Variants in SEMA6D observed in about 807,000 individuals in gnomAD.
SEMA6D encodes semaphorin 6D, also known as semaphorin-6D.
A neutral mutation model predicts 106.6 loss-of-function variants in SEMA6D; 35 were observed. The ratio of observed to expected loss-of-function variants is 0.33; its 90% CI spans 0.25 to 0.44. The LOEUF is 0.44. Ranked by LOEUF, SEMA6D falls within the 20% of genes least tolerant of loss-of-function variation. The pLI is 1.00. For missense variants in SEMA6D, 1,185 were observed against 1,345.9 expected (o/e 0.88, Z 1.87); for synonymous variants, 499 against 487.7 (o/e 1.02, Z -0.31).
At chr15:47,377,750 G>A (rs974141492) in intron 1 of SEMA6D, among the ~76,000 whole-genome samples, 6 of 152,062 alleles carry the variant, frequency 3.9e-5, no homozygotes, top group African/African-American at 1.4e-4. Context: ...AATCTTATAG[G>A]TGGCCTCTAG....
intron 4 of SEMA6D, among the ~76,000 whole-genome samples, chr15:47,640,686 G>A (rs1463091310): frequency 1.3e-5 from 2 of 152,162 alleles, no homozygotes; most frequent in Non-Finnish European, 2.9e-5. Context: ...AGGGTCGTCA[G>A]GGTGGCTGAC....
chr15:47,283,306 G>A (rs2035214819), intron 1 of SEMA6D, among the ~76,000 whole-genome samples: 1 of 152,132 alleles, frequency 6.6e-6, no homozygotes, highest in African/African-American at 2.4e-5. Context: ...TTTCACTCGA[G>A]CACATGCCCT....
intron 1 of SEMA6D, among the ~76,000 whole-genome samples, chr15:47,211,550 T>C (rs944695266): frequency 6.6e-6 from 1 of 152,180 alleles, no homozygotes; most frequent in South Asian, 2.1e-4. Flanking sequence ...GAAATGTCTG[T>C]AGCCTGAGTA....
intron 1 of SEMA6D, among the ~76,000 whole-genome samples, chr15:47,226,507 T>C (rs1358343176): frequency 1.3e-5 from 2 of 152,170 alleles, no homozygotes; most frequent in Non-Finnish European, 2.9e-5. Flanking sequence ...AGTACTTTGT[T>C]ATCAATAGGC....
chr15:47,211,386 A>T (rs1245322101), intron 1 of SEMA6D, among the ~76,000 whole-genome samples: 1 of 152,198 alleles, frequency 6.6e-6, no homozygotes, highest in African/African-American at 2.4e-5. Flanking sequence ...GGGACAGTTT[A>T]TAAAGCTACT....
intron 3 of SEMA6D, among the ~76,000 whole-genome samples, chr15:47,557,690 T>A (rs2045953962): frequency 6.6e-6 from 1 of 152,174 alleles, no homozygotes; most frequent in African/African-American, 2.4e-5. Flanking sequence ...GTTAGGGAAA[T>A]CACATCAGGT....
intron 1 of SEMA6D, among the ~76,000 whole-genome samples, chr15:47,267,842 G>T (rs2034391335): frequency 6.6e-6 from 1 of 151,982 alleles, no homozygotes; most frequent in South Asian, 2.1e-4. Context: ...TTTACAGGTG[G>T]ATTATTTGAC....
intron 1 of SEMA6D, among the ~76,000 whole-genome samples, chr15:47,187,535 A>G (rs1893664458): frequency 6.6e-6 from 1 of 152,184 alleles, no homozygotes; most frequent in Non-Finnish European, 1.5e-5. Context: ...ATTTTAAAAT[A>G]GTGGCTAATG....
intron 2 of SEMA6D, among the ~76,000 whole-genome samples, chr15:47,461,911 A>C (rs183150397): frequency 5.3e-5 from 8 of 152,190 alleles, no homozygotes; most frequent in Admixed American, 4.6e-4. Flanking sequence ...CAGTGTGCCC[A>C]GGTCCAAGTC....
At chr15:47,674,404 G>A (rs1488342893) in intron 4 of SEMA6D, among the ~76,000 whole-genome samples, 1 of 152,196 alleles carries the variant, frequency 6.6e-6, no homozygotes, top group Non-Finnish European at 1.5e-5. Flanking sequence ...TTAAACCCTT[G>A]TAATTCAACC....
chr15:47,711,553 G>T (rs989000153), intron 4 of SEMA6D, among the ~76,000 whole-genome samples: 1 of 152,104 alleles, frequency 6.6e-6, no homozygotes, highest in Non-Finnish European at 1.5e-5. Flanking sequence ...GCTTAAGAGG[G>T]CATTTTGGAC....
chr15:47,447,993 TACA>T (rs1298140688), intron 2 of SEMA6D, among the ~76,000 whole-genome samples: 1 of 152,162 alleles, frequency 6.6e-6, no homozygotes, highest in African/African-American at 2.4e-5. Flanking sequence ...ATGGTTGTGG[TACA>T]ACATCAGAGG....
chr15:47,673,675 C>T (rs748183706), intron 4 of SEMA6D, among the ~76,000 whole-genome samples: 1 of 152,084 alleles, frequency 6.6e-6, no homozygotes, highest in Non-Finnish European at 1.5e-5. Context: ...GAACTTGCAG[C>T]AGGAAGGAAA....
intron 4 of SEMA6D, among the ~76,000 whole-genome samples, chr15:47,693,168 A>G (rs1184021808): frequency 6.6e-6 from 1 of 152,154 alleles, no homozygotes; most frequent in Admixed American, 6.5e-5. Context: ...TGTTGTCCAT[A>G]TAAAAGAAGG....
intron 1 of SEMA6D, among the ~76,000 whole-genome samples, chr15:47,248,549 G>A (rs1263573533): frequency 1.3e-5 from 2 of 152,198 alleles, no homozygotes; most frequent in African/African-American, 2.4e-5. Context: ...TGTTTGCTAT[G>A]ATTTGCCTAA....
chr15:47,551,673 C>CTGTGTGTGTGTGTGTGTG (rs3050565), intron 3 of SEMA6D, among the ~76,000 whole-genome samples: 2,982 of 141,274 alleles, frequency 0.021, 71 homozygotes, highest in African/African-American at 0.04. Context: ...ATCTGGGACT[C>CTGTGTGTGTGTGTGTGTG]TGTGTGTGTG....
chr15:47,749,956 C>G (rs2081342962), intron 1 of SEMA6D, among the ~76,000 whole-genome samples: 1 of 152,110 alleles, frequency 6.6e-6, no homozygotes, highest in Non-Finnish European at 1.5e-5. Flanking sequence ...GGAATGACCA[C>G]TGAGATTAAA....
chr15:47,275,347 C>T (rs2034754080), intron 1 of SEMA6D, among the ~76,000 whole-genome samples: 1 of 152,154 alleles, frequency 6.6e-6, no homozygotes, highest in Non-Finnish European at 1.5e-5. Context: ...CCTTATCTTA[C>T]TGCACTCACT....
At chr15:47,252,960 T>G (rs1595550680) in intron 1 of SEMA6D, among the ~76,000 whole-genome samples, 1 of 152,112 alleles carries the variant, frequency 6.6e-6, no homozygotes, top group African/African-American at 2.4e-5. Context: ...ATTTTTTTTT[T>G]AGGAATCTCC....
Sources: gnomAD v4.1 joint callset for allele counts (sites outside exome capture counted in the v4.1 genomes callset) on GRCh38, gnomAD v4.1.1 for gene constraint, MANE v1.5 for transcripts, NCBI Gene and HGNC (gene_info 2026-07-23, HGNC 2026-07-21) for gene names.